TASP1: variants seen among roughly 807,000 people sequenced by gnomAD.
The protein encoded by TASP1 is taspase 1, also known as threonine aspartase 1.
TASP1 carries 16 observed loss-of-function variants against 56.6 expected under a neutral mutation model. That is an observed-to-expected ratio of 0.28 (90% CI 0.19 to 0.43). The LOEUF is 0.43. Among genes scored for constraint, TASP1 ranks in the 20% least tolerant of loss-of-function variants. The probability of loss-of-function intolerance (pLI) is 1.00; values close to 1 mark genes in which losing one functional copy is unlikely to be tolerated. For missense variants in TASP1, 393 were observed against 511.6 expected, an observed-to-expected ratio of 0.77 and a Z score of 2.24; for synonymous variants, 179 against 184.2, an observed-to-expected ratio of 0.97 and a Z score of 0.23.
the TASP1 span, among the ~76,000 whole-genome samples, chr20:13,369,041 G>A: frequency 6.6e-6 from 1 of 152,168 alleles, no homozygotes; most frequent in East Asian, 1.9e-4. Context: ...GTCATAGTAG[G>A]CAATTTCATT....
At chr20:13,465,178 C>CAAAAA (rs771255579) in intron 11 of TASP1, among the ~76,000 whole-genome samples, 2 of 57,208 alleles carry the variant, frequency 3.5e-5, no homozygotes, top group East Asian at 6.8e-4. Flanking sequence ...TTCTCTCTCC[C>CAAAAA]AAAAAAAAAA....
chr20:13,205,323 T>A, the TASP1 span, among the ~76,000 whole-genome samples: 1 of 152,106 alleles, frequency 6.6e-6, no homozygotes, highest in African/African-American at 2.4e-5. Flanking sequence ...TCTCTTCTAG[T>A]ATGTCCCTTC....
At chr20:13,109,248 C>T in the TASP1 span, among the ~76,000 whole-genome samples, 1 of 152,192 alleles carries the variant, frequency 6.6e-6, no homozygotes, top group Non-Finnish European at 1.5e-5. Context: ...TTCTGCCAGA[C>T]ATTCATCCTC....
intron 5 of TASP1, among the ~76,000 whole-genome samples, chr20:13,583,191 C>T (rs1235988078): frequency 1.3e-5 from 2 of 152,136 alleles, no homozygotes; most frequent in Non-Finnish European, 2.9e-5. Flanking sequence ...GAGCCAAAGC[C>T]CAATCTTTAT....
At chr20:13,289,310 G>A in the TASP1 span, among the ~76,000 whole-genome samples, 1 of 152,320 alleles carries the variant, frequency 6.6e-6, no homozygotes, top group East Asian at 1.9e-4. Flanking sequence ...TGATGAGGAA[G>A]CCAGGATGAG....
chr20:13,625,186 T>C lies in TASP1; in HGVS notation c.212A>G (p.Lys71Arg). 2 of 1,609,148 alleles carry C rather than the reference T, an allele frequency of 1.2e-6. No individual in the cohort carries two copies. Among genetic ancestry groups the C allele is most frequent in the Non-Finnish European group, 8.5e-7 (1 of 1,178,008 alleles). ...AGATCATACACATTGTGTTCATACC[T>C]TCTGACAAGCTCGTTTGCATACATG... The part of the protein sequence containing the change: ...YKHVCKRACQ[K>R]AIEKLQAGAL... Residue 71 changes from lysine to arginine, a missense_variant and splice_region_variant, in exon 3 of 14, where the codon AAG (lysine) becomes AGG (arginine). Coordinates refer to ENST00000337743, the MANE Select transcript of TASP1 (RefSeq NM_017714.3).
the TASP1 span, among the ~76,000 whole-genome samples, chr20:13,104,812 A>C: frequency 1.5e-3 from 233 of 152,320 alleles, no homozygotes; most frequent in African/African-American, 5.2e-3. Context: ...TCCGTATCTC[A>C]GAATTTTCTT....
chr20:13,433,520 C>CAAAAAAAAAAAAAAAAAA (rs74746255), intron 12 of TASP1, among the ~76,000 whole-genome samples: 4 of 89,214 alleles, frequency 4.5e-5, no homozygotes, highest in African/African-American at 1.9e-4. Context: ...GACAGTATGG[C>CAAAAAAAAAAAAAAAAAA]AAAAAAAAAA....
chr20:13,347,441 C>T, the TASP1 span, among the ~76,000 whole-genome samples: 3 of 152,208 alleles, frequency 2.0e-5, no homozygotes, highest in African/African-American at 7.2e-5. Flanking sequence ...CTTTTCCTGC[C>T]CAACCACGTC....
chr20:13,136,877 A>G, the TASP1 span, among the ~76,000 whole-genome samples: 1 of 151,938 alleles, frequency 6.6e-6, no homozygotes, highest in East Asian at 1.9e-4. Flanking sequence ...CTCTGTTACT[A>G]TTATCCTTCT....
At chr20:13,392,908 G>A (rs569845861) in intron 13 of TASP1, 151 of 642,800 alleles carry the variant, frequency 2.3e-4, no homozygotes, top group Non-Finnish European at 3.9e-4. Flanking sequence ...CATCTTTCAG[G>A]AGTGAGATCC....
the TASP1 span, among the ~76,000 whole-genome samples, chr20:13,232,397 A>G: frequency 1.3e-5 from 2 of 152,234 alleles, no homozygotes; most frequent in African/African-American, 4.8e-5. Flanking sequence ...TAAGTGGAAT[A>G]CAGAATGCAT....
intron 4 of TASP1, among the ~76,000 whole-genome samples, chr20:13,595,846 G>A (rs778882159): frequency 6.6e-5 from 10 of 152,028 alleles, no homozygotes; most frequent in Non-Finnish European, 1.3e-4. Flanking sequence ...GGATATCCAG[G>A]GCTTGAACTC....
chr20:13,361,690 T>C, the TASP1 span, among the ~76,000 whole-genome samples: 1 of 152,112 alleles, frequency 6.6e-6, no homozygotes, highest in Non-Finnish European at 1.5e-5. Context: ...CTATCTTCTG[T>C]CTAGTCATAC....
At chr20:13,325,643 A>G in the TASP1 span, among the ~76,000 whole-genome samples, 1 of 152,208 alleles carries the variant, frequency 6.6e-6, no homozygotes, top group East Asian at 1.9e-4. Context: ...GAAGAAAGCC[A>G]GATCCAGAAT....
chr20:13,392,316 G>A (rs1198444265), intron 13 of TASP1, among the ~76,000 whole-genome samples: 1 of 152,104 alleles, frequency 6.6e-6, no homozygotes, highest in Non-Finnish European at 1.5e-5. Context: ...GTGATACCAT[G>A]TCTCTGGCTT....
At chr20:13,221,799 T>G in the TASP1 span, 1 of 1,390,250 alleles carries the variant, frequency 7.2e-7, no homozygotes, top group Non-Finnish European at 9.4e-7. Context: ...GCGGCCGAGC[T>G]GCTGCTGCTG....
chr20:13,147,386 C>A, the TASP1 span, among the ~76,000 whole-genome samples: 1 of 152,076 alleles, frequency 6.6e-6, no homozygotes, highest in Non-Finnish European at 1.5e-5. Context: ...TGATCTTTAC[C>A]GAGATCTCTC....
At chr20:13,117,090 A>T in the TASP1 span, among the ~76,000 whole-genome samples, 1 of 152,230 alleles carries the variant, frequency 6.6e-6, no homozygotes, top group Non-Finnish European at 1.5e-5. Context: ...CACCAAATTT[A>T]AGTCAAACAG....
Sources: gnomAD v4.1 joint callset for allele counts (sites outside exome capture counted in the v4.1 genomes callset) on GRCh38, gnomAD v4.1.1 for gene constraint, MANE v1.5 for transcripts, NCBI Gene and HGNC (gene_info 2026-07-23, HGNC 2026-07-21) for gene names.